The following KANSL1L variants were observed in gnomAD, a reference collection of about 807,000 sequenced individuals.
KANSL1L encodes the protein KAT8 regulatory NSL complex subunit 1 like.
A neutral mutation model predicts 108.6 loss-of-function variants in KANSL1L; 25 were observed. The ratio of observed to expected loss-of-function variants is 0.23; its 90% CI spans 0.17 to 0.32. KANSL1L has a LOEUF of 0.32. KANSL1L is among the 10% of genes least tolerant of loss of function. The pLI is 1.00. For missense variants in KANSL1L, 1,137 were observed against 1,125.7 expected (o/e 1.01, Z -0.14); for synonymous variants, 405 against 395.1 (o/e 1.03, Z -0.30).
At chr2:210,117,559 G>A (rs539118740) in intron 3 of KANSL1L, among the ~76,000 whole-genome samples, 1 of 152,188 alleles carries the variant, frequency 6.6e-6, no homozygotes, top group Admixed American at 6.5e-5. Flanking sequence ...ACTTCTCAGG[G>A]GAAACCTTAC....
chr2:210,031,336 A>T, intron 9 of KANSL1L, 85 bp downstream of exon 9: 9 of 910,444 alleles, frequency 9.9e-6, no homozygotes, highest in Non-Finnish European at 1.5e-5. Context: ...TCTGGATTAT[A>T]AACTCCCATG....
intron 2 of KANSL1L, among the ~76,000 whole-genome samples, chr2:210,135,300 T>C (rs2095163858): frequency 6.6e-6 from 1 of 152,176 alleles, no homozygotes; most frequent in Non-Finnish European, 1.5e-5. Context: ...GAAGATGGTA[T>C]GTTTTATGAA....
rs760921229 is a variant in KANSL1L, at chr2:210,023,150, T to C, written c.2763A>G (p.Pro921=). Residue 921 remains proline, a synonymous_variant, in exon 15 of 15, where the codon CCA becomes CCG. Coordinates refer to ENST00000281772, the MANE Select transcript of KANSL1L (RefSeq NM_152519.4). ...AGGCTGCCATGTCTTCACCCTTCAG[T>C]GGAAAAGCCCGTCGTTCCCACCACA... ...KSLWWERRAF[P]LKGEDMAALL... 6 of 1,614,042 alleles carry C rather than the reference T, an allele frequency of 3.7e-6. No homozygotes were observed. The highest frequency in any genetic ancestry group is 5.1e-6 in the Non-Finnish European group (6 of 1,179,914).
At chr2:210,125,277 A>C (rs931087822) in intron 3 of KANSL1L, among the ~76,000 whole-genome samples, 3 of 152,102 alleles carry the variant, frequency 2.0e-5, no homozygotes, top group Non-Finnish European at 4.4e-5. Context: ...AAGAAAAGAA[A>C]ATTTGAATAG....
intron 6 of KANSL1L, among the ~76,000 whole-genome samples, chr2:210,065,652 C>A (rs1438845301): frequency 7.1e-6 from 1 of 140,962 alleles, no homozygotes; most frequent in African/African-American, 2.6e-5. Context: ...GTGGCATGAT[C>A]TCGGCTCACG....
intron 6 of KANSL1L, among the ~76,000 whole-genome samples, chr2:210,062,244 C>G (rs2125278088): frequency 6.6e-6 from 1 of 152,282 alleles, no homozygotes; most frequent in South Asian, 2.1e-4. Context: ...TACAAGCTGT[C>G]TTCTCTTGTC....
intron 2 of KANSL1L, among the ~76,000 whole-genome samples, chr2:210,143,747 TTCC>T (rs1408601092): frequency 5.9e-5 from 9 of 152,308 alleles, no homozygotes; most frequent in East Asian, 1.9e-4. Context: ...TATACTTTTA[TTCC>T]TCCTATTCTA....
intron 3 of KANSL1L, among the ~76,000 whole-genome samples, chr2:210,119,329 T>C (rs768788762): frequency 6.6e-6 from 1 of 152,180 alleles, no homozygotes; most frequent in Non-Finnish European, 1.5e-5. Flanking sequence ...ACTTTCAAAG[T>C]CATTCTACAA....
chr2:210,156,018 T>A (rs1427803933), intron 1 of KANSL1L, among the ~76,000 whole-genome samples: 1 of 152,120 alleles, frequency 6.6e-6, no homozygotes, highest in Non-Finnish European at 1.5e-5. Context: ...AAACGGTTAC[T>A]AGCAAAATGA....
Position 210,028,532 on chromosome 2 carries a change from A to G in KANSL1L, c.2396+313T>C, listed in dbSNP as rs1412166484. On this transcript the variant is annotated intron_variant, in intron 11 of 14. Transcript: ENST00000281772. ...TCAAGGGCAAGGATTATTTGTTGCT[A>G]TAGTTTTTATGTCACTAAAGTACCT... is the stretch of plus-strand genomic sequence containing the variant. 5 of 171,948 alleles carry G rather than the reference A, an allele frequency of 2.9e-5. No homozygotes were observed. In the South Asian group the frequency reaches 5.0e-4, roughly 17 times the overall value. The allele number at this position is 171,948 out of a possible 1,614,324, so 10.7% of individuals were successfully genotyped here. A position where few individuals can be genotyped will look rare whatever the true frequency, so the allele number is the denominator to read the frequency against.
At position 210,153,897 on chromosome 2, in the gene KANSL1L, C is replaced by T; in HGVS notation, c.686G>A (p.Ser229Asn). The T allele has an allele frequency of 6.2e-7, 1 of 1,612,610 alleles. No homozygotes were observed. The highest frequency in any genetic ancestry group is 8.5e-7 in the Non-Finnish European group (1 of 1,179,724). ...EVHARLLHCVSKQKILLSQAR... is the reference protein window; with the variant it reads ...EVHARLLHCVNKQKILLSQAR... ...CTGGCTAAGTAAAATTTTCTGTTTG[C>T]TTACACAATGAAGTAAACGAGCATG... Residue 229 changes from serine to asparagine, a missense_variant, in exon 2 of 15, where the codon AGC becomes AAC. Physicochemically the swap from Ser to Asn is conservative, Grantham distance 46 (BLOSUM62 1). Coordinates refer to ENST00000281772, the MANE Select transcript of KANSL1L (RefSeq NM_152519.4).
At chr2:210,049,754 A>G (rs2094268427) in intron 6 of KANSL1L, among the ~76,000 whole-genome samples, 1 of 152,226 alleles carries the variant, frequency 6.6e-6, no homozygotes, top group African/African-American at 2.4e-5. Context: ...TTGTGAGAAA[A>G]GATATTAAGT....
intron 6 of KANSL1L, chr2:210,063,863 AAG>A (rs2094442932): frequency 6.6e-6 from 1 of 152,112 alleles, no homozygotes; most frequent in East Asian, 1.9e-4. Flanking sequence ...GAAATGAGTT[AAG>A]ACTTTGGGGG....
At chr2:210,054,183 G>A (rs1287163426) in intron 6 of KANSL1L, among the ~76,000 whole-genome samples, 6 of 151,786 alleles carry the variant, frequency 4.0e-5, no homozygotes, top group Admixed American at 1.3e-4. Flanking sequence ...TTAGCTGGGC[G>A]TGGTGGCGGG....
Position 210,022,961 on chromosome 2 carries a change from T to G in KANSL1L, c.2952A>C (p.Lys984Asn), listed in dbSNP as rs191864182. ...KTFGLGLTNV[K>N]KNR The stretch of plus-strand genomic sequence containing the variant: ...AACCTGTTCCCTGTCACCTATTTTT[T>G]TTAACATTAGTAAGTCCTAGACCAA... Residue 984 changes from lysine to asparagine, a missense_variant, in exon 15 of 15, where the codon AAA (lysine) becomes AAC (asparagine). Around this residue, in one of 3 missense-constraint regions of KANSL1L, gnomAD observed 575 missense variants for 567.1 expected, o/e 1.01. Coordinates refer to ENST00000281772, the MANE Select transcript of KANSL1L (RefSeq NM_152519.4). 1.6e-5 allele frequency: 25 copies of G among 1,611,614 alleles called. No individual in the cohort carries two copies. The Admixed American group carries it at 2.0e-4, about 13-fold the overall frequency.
chr2:210,072,907 T>C (rs765279209), intron 6 of KANSL1L, among the ~76,000 whole-genome samples: 23 of 152,214 alleles, frequency 1.5e-4, no homozygotes, highest in Non-Finnish European at 2.5e-4. Context: ...ACTATGATGA[T>C]TGCAAAATGA....
At chr2:210,048,369 G>A (rs927293826) in intron 6 of KANSL1L, among the ~76,000 whole-genome samples, 1 of 151,610 alleles carries the variant, frequency 6.6e-6, no homozygotes. Context: ...TTCTCTCTGT[G>A]CTGTCTTTTG....
At chr2:210,129,555 G>A (rs932279828) in intron 2 of KANSL1L, among the ~76,000 whole-genome samples, 4 of 152,118 alleles carry the variant, frequency 2.6e-5, no homozygotes, top group African/African-American at 9.7e-5. Flanking sequence ...TCAAGTACCA[G>A]ACAATCCATT....
chr2:210,091,694 T>C (rs894812099), intron 5 of KANSL1L, among the ~76,000 whole-genome samples: 16 of 152,206 alleles, frequency 1.1e-4, no homozygotes, highest in Admixed American at 9.8e-4. Flanking sequence ...ATTGCTGTTA[T>C]AGACTTTTTT....
Sources: gnomAD v4.1 joint callset for allele counts (sites outside exome capture counted in the v4.1 genomes callset) on GRCh38, gnomAD v4.1.1 for gene constraint, gnomAD v4.1.1 regional missense constraint, MANE v1.5 for transcripts, NCBI Gene and HGNC (gene_info 2026-07-23, HGNC 2026-07-21) for gene names.